PLGRKT: variants seen among roughly 807,000 people sequenced by gnomAD.
The protein encoded by PLGRKT is plasminogen receptor with a C-terminal lysine.
PLGRKT carries 22 observed loss-of-function variants against 18.5 expected under a neutral mutation model. That is an observed-to-expected ratio of 1.19 (90% CI 0.85 to 1.70). The LOEUF (loss-of-function observed/expected upper bound fraction) is 1.70. PLGRKT is among the 40% of genes most tolerant of loss of function. The pLI, the probability that PLGRKT is intolerant of heterozygous loss-of-function variation, is 0.00. For synonymous variants in PLGRKT, 72 were observed against 52.8 expected, an observed-to-expected ratio of 1.36 and a Z score of -1.58; for missense variants, 235 against 174.4, an observed-to-expected ratio of 1.35 and a Z score of -1.96.
At chr9:5,425,240 T>G (rs954999924) in intron 3 of PLGRKT, among the ~76,000 whole-genome samples, 2 of 152,174 alleles carry the variant, frequency 1.3e-5, no homozygotes, top group Non-Finnish European at 2.9e-5. Flanking sequence ...TAGTGGCATT[T>G]TAAGGAAGTA....
intron 3 of PLGRKT, among the ~76,000 whole-genome samples, chr9:5,388,715 G>C (rs1586718706): frequency 6.6e-6 from 1 of 152,026 alleles, no homozygotes; most frequent in African/African-American, 2.4e-5. Context: ...ATTTCTGCTA[G>C]AACTTGTGAT....
chr9:5,425,464 G>A (rs1818678933), intron 3 of PLGRKT, among the ~76,000 whole-genome samples: 2 of 152,182 alleles, frequency 1.3e-5, no homozygotes, highest in Admixed American at 6.5e-5. Flanking sequence ...AGACTCCAGT[G>A]ATTGATTTAA....
At chr9:5,432,105 G>A (rs143607211) in intron 2 of PLGRKT, 122 bp from the exon 3 acceptor site, 5 of 590,656 alleles carry the variant, frequency 8.5e-6, no homozygotes, top group Admixed American at 5.9e-5. Context: ...TTCTGATCTA[G>A]GAACACAGTG....
chr9:5,434,936 G>C (rs1017111572), intron 2 of PLGRKT, among the ~76,000 whole-genome samples: 2 of 152,088 alleles, frequency 1.3e-5, no homozygotes, highest in Non-Finnish European at 2.9e-5. Flanking sequence ...TGTGTAGAAA[G>C]AAGTAGACAT....
intron 3 of PLGRKT, among the ~76,000 whole-genome samples, chr9:5,427,188 CTTG>C (rs1306156836): frequency 3.3e-5 from 5 of 152,316 alleles, no homozygotes; most frequent in African/African-American, 1.2e-4. Flanking sequence ...GAATCATCCC[CTTG>C]TCTAGTGTAG....
chr9:5,392,110 T>A (rs148697006), intron 3 of PLGRKT, among the ~76,000 whole-genome samples: 2 of 151,922 alleles, frequency 1.3e-5, no homozygotes, highest in African/African-American at 4.9e-5. Flanking sequence ...TGGGACAAAT[T>A]GAGTTTTCTG....
intron 3 of PLGRKT, among the ~76,000 whole-genome samples, chr9:5,420,300 T>G (rs566399401): frequency 1.3e-5 from 2 of 152,334 alleles, no homozygotes; most frequent in South Asian, 4.1e-4. Flanking sequence ...TTTGGAGTGA[T>G]GAAGTGTTAC....
Position 5,421,905 on chromosome 9 carries a change from G to A in PLGRKT, c.81+9992C>T, listed in dbSNP as rs146666582. ...AGCAAAAAGAATAATGACTACAACT[G>A]ATTAAAGAGTTTATAGTCACAATAT... On this transcript the variant is annotated intron_variant, in intron 3 of 5. Coordinates refer to ENST00000223864, the MANE Select transcript of PLGRKT (RefSeq NM_018465.4). Among the ~76,000 whole-genome samples, 8 of 152,264 alleles carry A rather than the reference G, an allele frequency of 5.3e-5. No homozygotes were observed. In the East Asian group the frequency reaches 1.5e-3, roughly 29 times the overall value.
intron 3 of PLGRKT, among the ~76,000 whole-genome samples, chr9:5,405,912 G>GA (rs1169302502): frequency 2.0e-5 from 3 of 151,794 alleles, no homozygotes; most frequent in African/African-American, 4.8e-5. Flanking sequence ...AAATTTACAA[G>GA]AAAAAAACAA....
intron 3 of PLGRKT, among the ~76,000 whole-genome samples, chr9:5,425,619 G>T (rs185702583): frequency 1.3e-5 from 2 of 152,078 alleles, no homozygotes; most frequent in East Asian, 3.9e-4. Context: ...CTCACCCCAG[G>T]CCATTACATT....
chr9:5,376,793 A>G (rs1429480019), intron 3 of PLGRKT, among the ~76,000 whole-genome samples: 1 of 152,170 alleles, frequency 6.6e-6, no homozygotes, highest in Non-Finnish European at 1.5e-5. Context: ...CATACATATA[A>G]TCATATTCCA....
intron 3 of PLGRKT, among the ~76,000 whole-genome samples, chr9:5,391,077 A>G (rs1011813637): frequency 6.6e-6 from 1 of 151,934 alleles, no homozygotes; most frequent in African/African-American, 2.4e-5. Flanking sequence ...AATAGCCAGA[A>G]AAGTACTTTG....
intron 3 of PLGRKT, among the ~76,000 whole-genome samples, chr9:5,389,653 G>A (rs985170802): frequency 6.6e-6 from 1 of 151,878 alleles, no homozygotes; most frequent in South Asian, 2.1e-4. Context: ...TCTCTGCTTC[G>A]CAAATGATTC....
intron 3 of PLGRKT, among the ~76,000 whole-genome samples, chr9:5,423,981 G>A (rs1384827170): frequency 2.2e-5 from 3 of 135,514 alleles, no homozygotes; most frequent in African/African-American, 8.8e-5. Context: ...CACAATATAT[G>A]TAATATGTAA....
At chr9:5,410,498 C>CAAA (rs59551404) in intron 3 of PLGRKT, among the ~76,000 whole-genome samples, 1 of 122,022 alleles carries the variant, frequency 8.2e-6, no homozygotes, top group Non-Finnish European at 1.8e-5. Context: ...GACTCTGTCT[C>CAAA]AAAAAAAAAA....
At chr9:5,424,695 C>A (rs998327357) in intron 3 of PLGRKT, among the ~76,000 whole-genome samples, 1 of 116,724 alleles carries the variant, frequency 8.6e-6, no homozygotes, top group Non-Finnish European at 1.6e-5. Context: ...TATATATACA[C>A]ACAGGGGGGG....
At chr9:5,369,417 G>A (rs1338239198) in intron 3 of PLGRKT, among the ~76,000 whole-genome samples, 3 of 152,098 alleles carry the variant, frequency 2.0e-5, no homozygotes, top group Non-Finnish European at 2.9e-5. Context: ...TTAGAACGGT[G>A]ATCATTAAAA....
At chr9:5,401,935 C>T (rs1818163073) in intron 3 of PLGRKT, among the ~76,000 whole-genome samples, 1 of 151,834 alleles carries the variant, frequency 6.6e-6, no homozygotes, top group South Asian at 2.1e-4. Context: ...TCAACAGACA[C>T]TTGTCTCATG....
intron 3 of PLGRKT, among the ~76,000 whole-genome samples, chr9:5,364,847 G>C (rs1817348499): frequency 2.0e-5 from 3 of 152,274 alleles, no homozygotes; most frequent in Admixed American, 1.3e-4. Flanking sequence ...AAACAAGCAA[G>C]AGGAAAAGAC....
Sources: allele counts gnomAD v4.1 joint callset (sites outside exome capture counted in the v4.1 genomes callset), GRCh38; gene constraint gnomAD v4.1.1; transcripts MANE v1.5; gene names NCBI Gene and HGNC (gene_info 2026-07-23, HGNC 2026-07-21).